Variants in SYNPR observed in about 807,000 individuals in gnomAD.
SYNPR encodes the protein synaptoporin.
SYNPR carries 23 observed loss-of-function variants against 32.9 expected under a neutral mutation model. That is an observed-to-expected ratio of 0.70 (90% CI 0.50 to 0.99). The LOEUF (loss-of-function observed/expected upper bound fraction) is 0.99. Ranked by LOEUF, SYNPR falls within the 50% of genes least tolerant of loss-of-function variation. SYNPR has a pLI of 0.00. For missense variants in SYNPR, 318 were observed against 349.3 expected, an observed-to-expected ratio of 0.91 and a Z score of 0.71; for synonymous variants, 146 against 135.9, an observed-to-expected ratio of 1.07 and a Z score of -0.52.
chr3:63,576,699 G>A (rs1333785798), intron 4 of SYNPR, among the ~76,000 whole-genome samples: 1 of 150,940 alleles, frequency 6.6e-6, no homozygotes, highest in Non-Finnish European at 1.5e-5. Flanking sequence ...GTTGAGGCAG[G>A]AGAATCACTT....
At chr3:63,272,664 C>T (rs2086546396) in intron 3 of SYNPR, among the ~76,000 whole-genome samples, 1 of 152,102 alleles carries the variant, frequency 6.6e-6, no homozygotes, top group South Asian at 2.1e-4. Context: ...CAGATCACTG[C>T]ATCCAGACAA....
intron 3 of SYNPR, among the ~76,000 whole-genome samples, chr3:63,497,797 T>G (rs184826743): frequency 1.1e-3 from 169 of 152,314 alleles, no homozygotes; most frequent in African/African-American, 3.3e-3. Context: ...TGTAAATTCC[T>G]TATGTTGTGC....
At chr3:63,269,379 C>G (rs900178687) in intron 3 of SYNPR, among the ~76,000 whole-genome samples, 2 of 151,948 alleles carry the variant, frequency 1.3e-5, no homozygotes, top group African/African-American at 4.8e-5. Context: ...ATCCCAGCTA[C>G]TTGGGAGGCT....
At chr3:63,431,685 A>G (rs1223592349) in intron 2 of SYNPR, among the ~76,000 whole-genome samples, 1 of 152,138 alleles carries the variant, frequency 6.6e-6, no homozygotes. Flanking sequence ...GGAAAGAAAA[A>G]GAAAGTGTGA....
chr3:63,599,155 A>T (rs1027645069), intron 4 of SYNPR, among the ~76,000 whole-genome samples: 2 of 152,198 alleles, frequency 1.3e-5, no homozygotes, highest in African/African-American at 2.4e-5. Flanking sequence ...GTCCCATTAG[A>T]TTATAATGAA....
intron 2 of SYNPR, among the ~76,000 whole-genome samples, chr3:63,319,505 A>T (rs1575597124): frequency 6.6e-6 from 1 of 151,628 alleles, no homozygotes; most frequent in Non-Finnish European, 1.5e-5. Context: ...CCAAGAAAGT[A>T]ATCCCATTCA....
At chr3:63,220,257 CA>C in the SYNPR span, among the ~76,000 whole-genome samples, 3 of 152,192 alleles carry the variant, frequency 2.0e-5, no homozygotes, top group African/African-American at 7.2e-5. Context: ...GAAAGAAAAA[CA>C]GTCAACAAAA....
chr3:63,592,938 T>A lies in SYNPR; in HGVS notation c.409-16187T>A, dbSNP rs778039631. On this transcript the variant is annotated intron_variant, in intron 4 of 5. Coordinates refer to ENST00000478300, the MANE Select transcript of SYNPR (RefSeq NM_001130003.2). ...AAATGTATCTCATTATTGCCCCTTT[T>A]TACAGTTGGAAACTGAGGCTTCATT... is the stretch of plus-strand genomic sequence containing the variant. Among the ~76,000 whole-genome samples the A allele has an allele frequency of 3.4e-4, 52 of 152,094 alleles. 1 individual carries two copies. Among genetic ancestry groups the A allele is most frequent in the Non-Finnish European group, 5.7e-4 (39 of 68,016 alleles).
chr3:63,262,339 C>A (rs1195983244), intron 2 of SYNPR, among the ~76,000 whole-genome samples: 1 of 152,154 alleles, frequency 6.6e-6, no homozygotes, highest in East Asian at 1.9e-4. Context: ...TCATGCAAGG[C>A]TTTTCTTGAG....
At chr3:63,472,307 A>G (rs1395295582) in intron 2 of SYNPR, among the ~76,000 whole-genome samples, 1 of 152,194 alleles carries the variant, frequency 6.6e-6, no homozygotes, top group African/African-American at 2.4e-5. Context: ...TGCTTCACTT[A>G]GGAGTAGATC....
chr3:63,453,884 T>C (rs1029065029), intron 2 of SYNPR, among the ~76,000 whole-genome samples: 2 of 152,184 alleles, frequency 1.3e-5, no homozygotes, highest in African/African-American at 4.8e-5. Flanking sequence ...CTATTATTAT[T>C]GGTTATTCAA....
intron 1 of SYNPR, among the ~76,000 whole-genome samples, chr3:63,243,712 G>T (rs2086264525): frequency 6.6e-6 from 1 of 151,960 alleles, no homozygotes; most frequent in African/African-American, 2.4e-5. Flanking sequence ...ACCATGTAAG[G>T]AGTATTATAT....
chr3:63,372,581 T>C (rs1484250737), intron 2 of SYNPR, among the ~76,000 whole-genome samples: 1 of 152,104 alleles, frequency 6.6e-6, no homozygotes, highest in African/African-American at 2.4e-5. Context: ...CAGCTGCCCC[T>C]GGGTTGGGCC....
At chr3:63,598,366 T>A (rs1369903861) in intron 4 of SYNPR, among the ~76,000 whole-genome samples, 3 of 152,136 alleles carry the variant, frequency 2.0e-5, no homozygotes, top group Non-Finnish European at 4.4e-5. Flanking sequence ...GAAAAAAATA[T>A]ATTTGCTAAC....
chr3:63,524,412 G>A (rs185100673), intron 3 of SYNPR, among the ~76,000 whole-genome samples: 1 of 152,148 alleles, frequency 6.6e-6, no homozygotes, highest in East Asian at 1.9e-4. Context: ...TGTCTTTCAG[G>A]ATGGCTACGA....
intron 3 of SYNPR, among the ~76,000 whole-genome samples, chr3:63,547,230 T>C (rs1320022304): frequency 3.9e-5 from 6 of 152,074 alleles, no homozygotes; most frequent in Non-Finnish European, 7.4e-5. Context: ...AAGTGAGTCT[T>C]ACATTTCAGA....
intron 3 of SYNPR, among the ~76,000 whole-genome samples, chr3:63,524,916 T>C (rs1701983561): frequency 6.6e-6 from 1 of 150,522 alleles, no homozygotes; most frequent in Non-Finnish European, 1.5e-5. Context: ...TCATCTTTAA[T>C]TGAATGTGTC....
Position 63,238,438 on chromosome 3 carries a change from AT to A in SYNPR, n.66+10062del, listed in dbSNP as rs752681561. On this transcript the variant is annotated intron_variant and non_coding_transcript_variant, in intron 1 of 4. Coordinates refer to the SYNPR transcript ENST00000478456. Reference sequence around the variant, plus strand: ...TTCTTTTCTCCTCAGCATTTCCTTTATTTTCCCCTCCACCCTCTACTCTCCG... The same window carrying A: ...TTCTTTTCTCCTCAGCATTTCCTTTATTTCCCCTCCACCCTCTACTCTCCG... 6.2e-4 allele frequency among the ~76,000 whole-genome samples: 94 copies of A among 150,910 alleles called. 1 individual carries two copies. The highest frequency in any genetic ancestry group is 4.3e-4 in the Non-Finnish European group (29 of 67,720).
At chr3:63,275,145 T>C (rs2086563649), upstream of SYNPR, among the ~76,000 whole-genome samples, 1 of 152,208 alleles carries the variant, frequency 6.6e-6, no homozygotes, top group African/African-American at 2.4e-5. Context: ...TTATCTTTCA[T>C]CATCTTGGGG....
Sources: allele counts gnomAD v4.1 joint callset (sites outside exome capture counted in the v4.1 genomes callset), GRCh38; gene constraint gnomAD v4.1.1; transcripts MANE v1.5; gene names NCBI Gene and HGNC (gene_info 2026-07-23, HGNC 2026-07-21).